TRPM3: variants seen among roughly 807,000 people sequenced by gnomAD.
TRPM3 encodes the protein transient receptor potential cation channel subfamily M member 3.
Under a neutral mutation model 181.2 loss-of-function variants are expected in TRPM3, and 77 were observed. That is an observed-to-expected ratio of 0.42 (90% CI 0.35 to 0.51). The LOEUF (loss-of-function observed/expected upper bound fraction) is 0.51, where lower values mean the gene tolerates loss of function less well. Among genes scored for constraint, TRPM3 ranks in the 20% least tolerant of loss-of-function variants. The pLI, the probability that TRPM3 is intolerant of heterozygous loss-of-function variation, is 0.01. For missense variants in TRPM3, 1,759 were observed against 2,196.7 expected (o/e 0.80, Z 3.98); for synonymous variants, 745 against 796.4 (o/e 0.94, Z 1.09).
intron 1 of TRPM3, among the ~76,000 whole-genome samples, chr9:70,952,744 T>C (rs980742617): frequency 6.6e-6 from 1 of 152,002 alleles, no homozygotes; most frequent in Non-Finnish European, 1.5e-5. Context: ...CAAAATCTTG[T>C]GGGGGATTGT....
chr9:70,684,998 C>G (rs1443372069), intron 8 of TRPM3, among the ~76,000 whole-genome samples: 3 of 152,138 alleles, frequency 2.0e-5, no homozygotes, highest in Non-Finnish European at 4.4e-5. Context: ...GGTGCCGGAC[C>G]ATTTTTATGG....
intron 1 of TRPM3, among the ~76,000 whole-genome samples, chr9:71,234,158 T>C (rs1450275758): frequency 1.3e-5 from 2 of 152,198 alleles, no homozygotes; most frequent in East Asian, 3.9e-4. Context: ...TGTCAGGAGG[T>C]CTCAGTTCCT....
chr9:71,420,507 C>T (rs948029643), intron 1 of TRPM3, among the ~76,000 whole-genome samples: 1 of 107,090 alleles, frequency 9.3e-6, no homozygotes, highest in Non-Finnish European at 2.0e-5. Flanking sequence ...CTCGCAGCAA[C>T]AAAGAAAGAA....
rs1170315388 is a variant in TRPM3 at position 71,176,104 on chromosome 9, T to C, written c.183+270549A>G. Among the ~76,000 whole-genome samples the C allele has an allele frequency of 2.6e-5, 4 of 152,202 alleles. No homozygotes were observed. In the East Asian group the frequency reaches 7.7e-4, roughly 29 times the overall value. ...AAGAAATGATGATGTTACTAGTGTA[T>C]GCATATACTGTACTTTTAATCGTTA... On this transcript the variant is annotated intron_variant, in intron 1 of 24. Coordinates refer to the TRPM3 transcript ENST00000357533.
At chr9:71,325,356 T>A (rs538323730) in intron 1 of TRPM3, among the ~76,000 whole-genome samples, 1 of 152,268 alleles carries the variant, frequency 6.6e-6, no homozygotes, top group East Asian at 1.9e-4. Context: ...CAACTTATCA[T>A]ACATCACCTT....
At chr9:71,356,941 T>A (rs535701252) in intron 1 of TRPM3, among the ~76,000 whole-genome samples, 2 of 152,274 alleles carry the variant, frequency 1.3e-5, no homozygotes, top group African/African-American at 4.8e-5. Context: ...GAGTGAGTAA[T>A]CGAGCCCATT....
At chr9:71,309,077 A>G (rs1354135764) in intron 1 of TRPM3, among the ~76,000 whole-genome samples, 3 of 152,298 alleles carry the variant, frequency 2.0e-5, no homozygotes, top group East Asian at 1.9e-4. Flanking sequence ...GAAACAGGAC[A>G]TAGTGGGAGA....
intron 1 of TRPM3, among the ~76,000 whole-genome samples, chr9:71,084,228 T>C (rs981126668): frequency 1.3e-5 from 2 of 152,022 alleles, no homozygotes; most frequent in Non-Finnish European, 2.9e-5. Context: ...GTCCAGTATA[T>C]ACTAATTTTA....
intron 7 of TRPM3, among the ~76,000 whole-genome samples, chr9:70,767,323 C>CTCAT (rs759532289): frequency 1.1e-4 from 17 of 152,132 alleles, no homozygotes; most frequent in Non-Finnish European, 2.1e-4. Flanking sequence ...CATCTGCTTG[C>CTCAT]TCATTCATTC....
At chr9:70,874,920 C>T (rs987789638) in intron 1 of TRPM3, among the ~76,000 whole-genome samples, 1 of 151,820 alleles carries the variant, frequency 6.6e-6, no homozygotes, top group Non-Finnish European at 1.5e-5. Context: ...TATATGCACA[C>T]CATTTTTATT....
intron 9 of TRPM3, among the ~76,000 whole-genome samples, chr9:70,661,950 T>G (rs2061195990): frequency 1.3e-5 from 2 of 151,930 alleles, no homozygotes; most frequent in Admixed American, 1.3e-4. Flanking sequence ...GCAAAAAAGA[T>G]CCCACATAGC....
intron 3 of TRPM3, among the ~76,000 whole-genome samples, chr9:70,849,772 T>C (rs1351112367): frequency 6.6e-6 from 1 of 151,116 alleles, no homozygotes; most frequent in Non-Finnish European, 1.5e-5. Context: ...TGAATATGCC[T>C]GCATGTAATC....
At chr9:70,879,936 T>TC (rs781685476) in intron 1 of TRPM3, among the ~76,000 whole-genome samples, 13 of 152,140 alleles carry the variant, frequency 8.5e-5, no homozygotes, top group Non-Finnish European at 1.6e-4. Context: ...ATGTGGTTTT[T>TC]CTGTTAGAAT....
At chr9:70,978,685 G>A (rs900600880) in intron 1 of TRPM3, among the ~76,000 whole-genome samples, 6 of 152,138 alleles carry the variant, frequency 3.9e-5, no homozygotes, top group East Asian at 1.9e-4. Flanking sequence ...TTAATGTGCC[G>A]TCGGCATAAT....
intron 11 of TRPM3, 79 bp downstream of exon 11, chr9:70,638,981 T>C: frequency 4.7e-6 from 7 of 1,497,534 alleles, no homozygotes; most frequent in Non-Finnish European, 6.4e-6. Context: ...GGGAAGAGAA[T>C]CACAGGCATA....
intron 1 of TRPM3, among the ~76,000 whole-genome samples, chr9:70,998,916 C>G (rs2097571707): frequency 6.6e-6 from 1 of 152,198 alleles, no homozygotes. Flanking sequence ...CATTTTTATA[C>G]TTTCCATAAT....
chr9:70,576,508 C>CTTTT (rs897195308), intron 22 of TRPM3, among the ~76,000 whole-genome samples: 1 of 138,914 alleles, frequency 7.2e-6, no homozygotes. Flanking sequence ...CCTCCTTCTT[C>CTTTT]TTTTTTTTTT....
intron 8 of TRPM3, among the ~76,000 whole-genome samples, chr9:70,690,135 G>GGACAC (rs1432719199): frequency 6.6e-6 from 1 of 152,106 alleles, no homozygotes; most frequent in African/African-American, 2.4e-5. Flanking sequence ...TAAGCTGCAA[G>GGACAC]GACAGTTTGG....
chr9:71,147,422 C>CGG (rs1181744020), intron 1 of TRPM3, among the ~76,000 whole-genome samples: 152 of 99,554 alleles, frequency 1.5e-3, no homozygotes, highest in Non-Finnish European at 2.3e-3. Flanking sequence ...CTGCAACACA[C>CGG]AGACACACAC....
Sources: gnomAD v4.1 joint callset for allele counts (sites outside exome capture counted in the v4.1 genomes callset) on GRCh38, gnomAD v4.1.1 for gene constraint, MANE v1.5 for transcripts, NCBI Gene and HGNC (gene_info 2026-07-23, HGNC 2026-07-21) for gene names.